PPA2: variants seen among roughly 807,000 people sequenced by gnomAD.
PPA2 encodes inorganic pyrophosphatase 2, mitochondrial.
In PPA2, 48 loss-of-function variants were observed where a neutral mutation model predicts 49.5. That is an observed-to-expected ratio of 0.97 (90% CI 0.77 to 1.23). PPA2 has a LOEUF of 1.23. PPA2 is among the 50% of genes most tolerant of loss of function. PPA2 has a pLI of 0.00. For missense variants in PPA2, 429 were observed against 410.1 expected (o/e 1.05, Z -0.40); for synonymous variants, 131 against 139.9 (o/e 0.94, Z 0.45).
intron 4 of PPA2, 51 bp downstream of exon 4, chr4:105,449,299 T>G: frequency 8.4e-7 from 1 of 1,192,652 alleles, no homozygotes; most frequent in Non-Finnish European, 1.2e-6. Flanking sequence ...GCAACAAAGT[T>G]TTATATCATT....
chr4:105,463,816 C>T (rs1037777316), intron 1 of PPA2, among the ~76,000 whole-genome samples: 1 of 152,180 alleles, frequency 6.6e-6, no homozygotes, highest in African/African-American at 2.4e-5. Context: ...TGCGGGTGCA[C>T]AGAAGTCAAG....
intron 6 of PPA2, among the ~76,000 whole-genome samples, chr4:105,435,670 G>A (rs1397323007): frequency 6.6e-6 from 1 of 152,030 alleles, no homozygotes; most frequent in African/African-American, 2.4e-5. Context: ...ATCAATAAAT[G>A]GGATTCACCA....
intron 2 of PPA2, 79 bp from the exon 3 acceptor site, chr4:105,453,721 C>G: frequency 1.8e-6 from 2 of 1,119,642 alleles, no homozygotes; most frequent in Non-Finnish European, 2.6e-6. Flanking sequence ...AAAAATATGA[C>G]TATTGTATAG....
chr4:105,470,333 C>T (rs1463761722), intron 1 of PPA2, among the ~76,000 whole-genome samples: 1 of 152,072 alleles, frequency 6.6e-6, no homozygotes, highest in Non-Finnish European at 1.5e-5. Flanking sequence ...ACTTTAAGAC[C>T]TAGGAAGCCG....
intron 6 of PPA2, among the ~76,000 whole-genome samples, chr4:105,434,444 A>G (rs572169254): frequency 6.6e-6 from 1 of 152,144 alleles, no homozygotes; most frequent in Non-Finnish European, 1.5e-5. Context: ...ATATCCTAAG[A>G]CATTTTGGGT....
At chr4:105,410,903 T>C (rs573902306) in intron 7 of PPA2, among the ~76,000 whole-genome samples, 1 of 152,040 alleles carries the variant, frequency 6.6e-6, no homozygotes, top group African/African-American at 2.4e-5. Context: ...TTACAAGAGC[T>C]CCTGAAGGAA....
chr4:105,376,809 T>G (rs1487373934), intron 10 of PPA2, among the ~76,000 whole-genome samples: 2 of 152,180 alleles, frequency 1.3e-5, no homozygotes, highest in Non-Finnish European at 2.9e-5. Context: ...GCACTGAATA[T>G]GGCTCTCTCC....
intron 7 of PPA2, among the ~76,000 whole-genome samples, chr4:105,409,771 T>G (rs946144131): frequency 6.6e-6 from 1 of 152,176 alleles, no homozygotes; most frequent in Non-Finnish European, 1.5e-5. Flanking sequence ...CCCAGGCGAA[T>G]AGGGTCTGGA....
chr4:105,399,948 G>T (rs903094535), intron 7 of PPA2, among the ~76,000 whole-genome samples: 2 of 152,140 alleles, frequency 1.3e-5, no homozygotes, highest in African/African-American at 4.8e-5. Context: ...TCCTGTCCAA[G>T]ACATGAATCA....
At chr4:105,456,225 C>A (rs1292768993) in intron 2 of PPA2, 1 of 476,762 alleles carries the variant, frequency 2.1e-6, no homozygotes, top group African/African-American at 2.0e-5. Flanking sequence ...GAAGCTAATT[C>A]CAAAACTAGC....
chr4:105,375,111 T>C (rs1733194248), intron 10 of PPA2, among the ~76,000 whole-genome samples: 1 of 152,122 alleles, frequency 6.6e-6, no homozygotes, highest in Non-Finnish European at 1.5e-5. Context: ...ATAGGTTCAA[T>C]TCTTAGTTAT....
chr4:105,459,800 A>C (rs1370328210), intron 1 of PPA2, among the ~76,000 whole-genome samples: 2 of 152,362 alleles, frequency 1.3e-5, no homozygotes, highest in East Asian at 3.8e-4. Context: ...ACACTGTATC[A>C]AGCGAAAGAA....
chr4:105,452,949 T>C (rs1722731490), intron 3 of PPA2, among the ~76,000 whole-genome samples: 1 of 152,112 alleles, frequency 6.6e-6, no homozygotes, highest in African/African-American at 2.4e-5. Flanking sequence ...CATTTTAGCA[T>C]ACGGTTGGTA....
intron 5 of PPA2, among the ~76,000 whole-genome samples, chr4:105,438,936 C>A (rs917002979): frequency 1.6e-4 from 25 of 152,028 alleles, no homozygotes; most frequent in Non-Finnish European, 3.5e-4. Context: ...TACAGCTAAG[C>A]ATTAGAGAAA....
intron 11 of PPA2, among the ~76,000 whole-genome samples, chr4:105,369,962 A>T (rs1459815464): frequency 6.6e-6 from 1 of 152,250 alleles, no homozygotes; most frequent in East Asian, 1.9e-4. Flanking sequence ...CCTTATATAA[A>T]GCTACATTAA....
chr4:105,463,680 T>C (rs1484767801), intron 1 of PPA2, among the ~76,000 whole-genome samples: 1 of 152,260 alleles, frequency 6.6e-6, no homozygotes, highest in Non-Finnish European at 1.5e-5. Context: ...GTGTGCAGCC[T>C]AGGGAGTTGG....
chr4:105,430,622 CAG>C (rs1723753645), intron 6 of PPA2, among the ~76,000 whole-genome samples: 1 of 152,128 alleles, frequency 6.6e-6, no homozygotes, highest in African/African-American at 2.4e-5. Context: ...ATCTAGGCAA[CAG>C]AGTGTCAAGG....
chr4:105,385,765 A>G (rs1413678560), intron 10 of PPA2, among the ~76,000 whole-genome samples: 1 of 152,280 alleles, frequency 6.6e-6, no homozygotes, highest in African/African-American at 2.4e-5. Flanking sequence ...ATATCATCTC[A>G]GCTTACAGAA....
chr4:105,437,769 G>A (rs1724133107), intron 6 of PPA2, among the ~76,000 whole-genome samples, 181 bp downstream of exon 6: 3 of 152,110 alleles, frequency 2.0e-5, no homozygotes, highest in Non-Finnish European at 4.4e-5. Context: ...ACTTGTTACA[G>A]GGCTATAATT....
Sources: gnomAD v4.1 joint callset for allele counts (sites outside exome capture counted in the v4.1 genomes callset) on GRCh38, gnomAD v4.1.1 for gene constraint, MANE v1.5 for transcripts, NCBI Gene and HGNC (gene_info 2026-07-23, HGNC 2026-07-21) for gene names.